TMEM117: variants seen among roughly 807,000 people sequenced by gnomAD.
TMEM117 encodes the protein transmembrane protein 117.
In TMEM117, 27 loss-of-function variants were observed where a neutral mutation model predicts 52.4. The ratio of observed to expected loss-of-function variants is 0.51; its 90% CI spans 0.38 to 0.71. TMEM117 has a LOEUF of 0.71. TMEM117 is among the 30% of genes least tolerant of loss of function. TMEM117 has a pLI of 0.00. For missense variants in TMEM117, 556 were observed against 630.5 expected (o/e 0.88, Z 1.26); for synonymous variants, 215 against 206.3 (o/e 1.04, Z -0.36).
At chr12:44,069,300 G>A (rs879763845) in intron 3 of TMEM117, among the ~76,000 whole-genome samples, 30 of 152,108 alleles carry the variant, frequency 2.0e-4, no homozygotes, top group Admixed American at 1.9e-3. Context: ...AAAGGTTATA[G>A]ACTAGTAAAA....
intron 6 of TMEM117, among the ~76,000 whole-genome samples, chr12:44,311,406 T>G (rs11182464): frequency 0.032 from 4,881 of 152,092 alleles, 266 homozygotes; most frequent in African/African-American, 0.11. Context: ...GATAAGTAGT[T>G]GTTTATAATC....
rs1290825202 is a variant in TMEM117, at chr12:44,143,736, G to C, written c.510+112G>C. ...GAGTAAAATAATTACCTCTCTTTGA[G>C]TGAAACAAATTTATGAGTAAAGATA... On this transcript the variant is annotated intron_variant, in intron 4 of 7. Coordinates refer to ENST00000266534, the MANE Select transcript of TMEM117 (RefSeq NM_032256.3). The C allele has an allele frequency of 3.9e-5, 27 of 695,686 alleles. No individual in the cohort carries two copies. The Admixed American group carries it at 6.7e-4, about 17-fold the overall frequency. The allele number at this position is 695,686 out of a possible 1,614,324, so 43.1% of individuals were successfully genotyped here.
chr12:44,323,558 A>G (rs1191275118), intron 6 of TMEM117, among the ~76,000 whole-genome samples: 1 of 152,134 alleles, frequency 6.6e-6, no homozygotes, highest in East Asian at 1.9e-4. Context: ...CCATTTGACC[A>G]TGTAGTATCA....
At chr12:43,984,486 A>C (rs751877386) in intron 3 of TMEM117, among the ~76,000 whole-genome samples, 1 of 152,202 alleles carries the variant, frequency 6.6e-6, no homozygotes, top group Non-Finnish European at 1.5e-5. Context: ...TAGTGTTTTC[A>C]TCAGATGAAC....
chr12:44,276,514 A>C (rs1012540729), intron 5 of TMEM117, among the ~76,000 whole-genome samples: 2 of 152,094 alleles, frequency 1.3e-5, no homozygotes, highest in African/African-American at 2.4e-5. Flanking sequence ...GATGTTGGTC[A>C]AAGGACAAAA....
intron 3 of TMEM117, among the ~76,000 whole-genome samples, chr12:44,021,642 C>T (rs1011771755): frequency 6.6e-6 from 1 of 152,210 alleles, no homozygotes; most frequent in South Asian, 2.1e-4. Context: ...CTGCACCCAG[C>T]ATCTGCTAAC....
At chr12:43,879,670 C>T (rs1368079403) in intron 2 of TMEM117, among the ~76,000 whole-genome samples, 2 of 152,274 alleles carry the variant, frequency 1.3e-5, no homozygotes, top group African/African-American at 2.4e-5. Context: ...CTCCTTTCTA[C>T]GTATTTCATC....
At chr12:44,188,871 T>A (rs1289183764) in intron 4 of TMEM117, among the ~76,000 whole-genome samples, 1 of 152,196 alleles carries the variant, frequency 6.6e-6, no homozygotes, top group African/African-American at 2.4e-5. Context: ...AATTTTCGTT[T>A]GTTTTTATTG....
At chr12:43,990,275 T>G (rs1238371529) in intron 3 of TMEM117, among the ~76,000 whole-genome samples, 1 of 152,120 alleles carries the variant, frequency 6.6e-6, no homozygotes, top group Non-Finnish European at 1.5e-5. Context: ...GAATTGAGGG[T>G]CAAATGAATC....
intron 6 of TMEM117, among the ~76,000 whole-genome samples, chr12:44,300,822 A>G (rs1950830052): frequency 6.6e-6 from 1 of 152,230 alleles, no homozygotes; most frequent in African/African-American, 2.4e-5. Flanking sequence ...ATTTCCTGAA[A>G]TAGCAATGGA....
intron 3 of TMEM117, among the ~76,000 whole-genome samples, chr12:43,947,623 A>G (rs1945154573): frequency 6.6e-6 from 1 of 152,240 alleles, no homozygotes; most frequent in African/African-American, 2.4e-5. Context: ...GTTTTATGTC[A>G]GAAGATTCTT....
chr12:44,006,725 T>A (rs189627506), intron 3 of TMEM117, among the ~76,000 whole-genome samples: 13 of 152,286 alleles, frequency 8.5e-5, no homozygotes, highest in Admixed American at 7.2e-4. Context: ...GGTAAAGATA[T>A]CTCATAGCTC....
At chr12:44,057,811 A>G (rs1947080402) in intron 3 of TMEM117, among the ~76,000 whole-genome samples, 1 of 152,180 alleles carries the variant, frequency 6.6e-6, no homozygotes. Flanking sequence ...TTATCTAGAA[A>G]TAGAAAAAAT....
chr12:44,175,779 A>G (rs921683748), intron 4 of TMEM117, among the ~76,000 whole-genome samples: 1 of 152,218 alleles, frequency 6.6e-6, no homozygotes, highest in Non-Finnish European at 1.5e-5. Context: ...AATCAAAGGC[A>G]TGAGAACTGT....
Position 43,949,956 on chromosome 12 carries a change from T to C in TMEM117, c.410+5614T>C, listed in dbSNP as rs116863069. Among the ~76,000 whole-genome samples the C allele has an allele frequency of 5.2e-3, 794 of 152,332 alleles. 4 individuals are homozygous for C. The highest frequency in any genetic ancestry group is 0.017 in the Middle Eastern group (5 of 294). On this transcript the variant is annotated intron_variant, in intron 3 of 7. Transcript: ENST00000266534. ...TCCCAGTTTCAGGTTCTTACTTTTC[T>C]CTGGACACCCCTCCCCAAATAACTT...
chr12:43,861,167 T>G (rs1473623504), intron 2 of TMEM117, among the ~76,000 whole-genome samples: 7 of 152,240 alleles, frequency 4.6e-5, no homozygotes, highest in East Asian at 1.9e-4. Flanking sequence ...GCAGTGGAGG[T>G]GGGGAGCGTG....
At chr12:44,099,052 C>T (rs1388440445) in intron 3 of TMEM117, among the ~76,000 whole-genome samples, 1 of 152,004 alleles carries the variant, frequency 6.6e-6, no homozygotes, top group African/African-American at 2.4e-5. Context: ...GGTTCTTATC[C>T]ATCTGCTTAG....
chr12:43,944,401 T>TTAA, intron 3 of TMEM117, 59 bp downstream of exon 3: 1 of 1,513,624 alleles, frequency 6.6e-7, no homozygotes, highest in Non-Finnish European at 9.0e-7. Flanking sequence ...TTGTAAGAAT[T>TTAA]TAAGAGTTTT....
chr12:44,125,267 G>T (rs759897693), intron 3 of TMEM117, among the ~76,000 whole-genome samples: 7 of 152,116 alleles, frequency 4.6e-5, no homozygotes, highest in Non-Finnish European at 1.0e-4. Context: ...ACCAAGCCCG[G>T]CTAATTCTTT....
Sources: gnomAD v4.1 joint callset for allele counts (sites outside exome capture counted in the v4.1 genomes callset) on GRCh38, gnomAD v4.1.1 for gene constraint, MANE v1.5 for transcripts, NCBI Gene and HGNC (gene_info 2026-07-23, HGNC 2026-07-21) for gene names.